ASTN2: variants seen among roughly 807,000 people sequenced by gnomAD.
ASTN2 encodes astrotactin-2.
In ASTN2, 54 loss-of-function variants were observed where a neutral mutation model predicts 139.8. That is an observed-to-expected ratio of 0.39 (90% CI 0.31 to 0.48). ASTN2 has a LOEUF of 0.48. ASTN2 is among the 20% of genes least tolerant of loss of function. The pLI is 0.95. For synonymous variants in ASTN2, 756 were observed against 719.5 expected (o/e 1.05, Z -0.81); for missense variants, 1,565 against 1,725.1 (o/e 0.91, Z 1.64).
intron 16 of ASTN2, among the ~76,000 whole-genome samples, chr9:116,656,753 C>T (rs966295334): frequency 8.7e-5 from 13 of 149,594 alleles, no homozygotes; most frequent in Non-Finnish European, 1.6e-4. Context: ...CAGGGCTTTT[C>T]GGCAGGAGAT....
At chr9:117,251,160 C>A (rs1351944680) in intron 2 of ASTN2, among the ~76,000 whole-genome samples, 1 of 152,142 alleles carries the variant, frequency 6.6e-6, no homozygotes, top group East Asian at 1.9e-4. Flanking sequence ...TGCTCAAGGT[C>A]ACAAATGGAA....
chr9:116,523,251 A>G (rs1260681590), intron 19 of ASTN2, among the ~76,000 whole-genome samples: 3 of 151,768 alleles, frequency 2.0e-5, no homozygotes, highest in Non-Finnish European at 2.9e-5. Flanking sequence ...GCAGTGTGGT[A>G]GCAAAGGAAG....
At chr9:117,378,885 T>C (rs1360215259) in intron 1 of ASTN2, among the ~76,000 whole-genome samples, 2 of 152,180 alleles carry the variant, frequency 1.3e-5, no homozygotes, top group Non-Finnish European at 2.9e-5. Context: ...GGATCCTTCA[T>C]GAATGGTTTA....
chr9:117,181,955 C>T (rs1044602258), intron 3 of ASTN2, among the ~76,000 whole-genome samples: 2 of 152,168 alleles, frequency 1.3e-5, no homozygotes, highest in Non-Finnish European at 2.9e-5. Context: ...GCCCACTGAG[C>T]CCAGTGCCCT....
At chr9:116,657,870 A>T (rs1260924110) in intron 16 of ASTN2, among the ~76,000 whole-genome samples, 1 of 150,666 alleles carries the variant, frequency 6.6e-6, no homozygotes, top group Non-Finnish European at 1.5e-5. Flanking sequence ...GAAAAAAGAG[A>T]GGTCAGAAAG....
chr9:116,826,359 C>A (rs2132277524), intron 11 of ASTN2, among the ~76,000 whole-genome samples: 1 of 152,304 alleles, frequency 6.6e-6, no homozygotes, highest in East Asian at 1.9e-4. Flanking sequence ...CAGCTGGCAC[C>A]ATGCTGAGCA....
rs1429271907 is a variant in ASTN2 at position 116,725,939 on chromosome 9, C to T, written c.2638G>A (p.Val880Ile). ...CTCTCCTTGGTCAGGATCTTGAGAA[C>T]ATTAGTGAAGCCTGGACAAGAGAGG... ...TITLAAGFTN[V>I]LKILTKESSR... The change falls in exon 16 of 23, where the codon GTT becomes ATT. Residue 880 changes from valine to isoleucine, a missense_variant. Around this residue, in one of 4 missense-constraint regions of ASTN2, gnomAD observed 503 missense variants for 591.7 expected, o/e 0.85. Transcript: ENST00000313400. 5 of 1,612,440 alleles carry T rather than the reference C, an allele frequency of 3.1e-6. No homozygotes were observed. Among genetic ancestry groups the T allele is most frequent in the Non-Finnish European group, 4.2e-6 (5 of 1,179,510 alleles).
chr9:117,382,579 CT>C (rs1830300007), intron 1 of ASTN2, among the ~76,000 whole-genome samples: 1 of 151,988 alleles, frequency 6.6e-6, no homozygotes, highest in African/African-American at 2.4e-5. Flanking sequence ...TGCATCTTTG[CT>C]CTACACTAGA....
intron 20 of ASTN2, among the ~76,000 whole-genome samples, chr9:116,461,453 CTTG>C (rs1041009576): frequency 1.3e-5 from 2 of 151,970 alleles, no homozygotes; most frequent in African/African-American, 4.8e-5. Context: ...TAGGTGTATA[CTTG>C]TTTATATGTA....
chr9:117,313,117 G>T (rs543671249), intron 1 of ASTN2, among the ~76,000 whole-genome samples: 2 of 152,192 alleles, frequency 1.3e-5, no homozygotes, highest in African/African-American at 4.8e-5. Context: ...GAGCACTTAA[G>T]GTGTTCACAC....
intron 10 of ASTN2, among the ~76,000 whole-genome samples, chr9:116,893,159 T>TCA (rs56263614): frequency 0.034 from 5,144 of 149,298 alleles, 108 homozygotes; most frequent in Middle Eastern, 0.049. Flanking sequence ...TAAAGGTGTA[T>TCA]CACACACACA....
At chr9:117,109,777 C>T (rs115226525) in intron 4 of ASTN2, among the ~76,000 whole-genome samples, 2,238 of 152,264 alleles carry the variant, frequency 0.015, 63 homozygotes, top group African/African-American at 0.051. Flanking sequence ...TGCTTATTTT[C>T]TTTCAAATTT....
chr9:117,178,966 CCTTT>C (rs1378688994), intron 3 of ASTN2, among the ~76,000 whole-genome samples: 4 of 152,338 alleles, frequency 2.6e-5, no homozygotes, highest in Non-Finnish European at 4.4e-5. Flanking sequence ...TTTTCCTTCT[CCTTT>C]CTTCCTTTAT....
intron 1 of ASTN2, among the ~76,000 whole-genome samples, chr9:117,342,194 T>C (rs1057270005): frequency 2.6e-5 from 4 of 152,148 alleles, no homozygotes; most frequent in African/African-American, 9.7e-5. Flanking sequence ...GGTCTGTGAA[T>C]AGGACAATCA....
At chr9:116,706,967 G>T (rs568543593) in intron 16 of ASTN2, among the ~76,000 whole-genome samples, 1 of 151,952 alleles carries the variant, frequency 6.6e-6, no homozygotes, top group South Asian at 2.1e-4. Context: ...ATGTGTCTTG[G>T]TCGAGACTTA....
intron 19 of ASTN2, among the ~76,000 whole-genome samples, chr9:116,591,282 T>G (rs1854368679): frequency 6.6e-6 from 1 of 152,172 alleles, no homozygotes; most frequent in Non-Finnish European, 1.5e-5. Flanking sequence ...TTGTGGTACA[T>G]CTGGTCCAGC....
At chr9:116,717,676 G>T (rs558094320) in intron 16 of ASTN2, among the ~76,000 whole-genome samples, 2 of 152,266 alleles carry the variant, frequency 1.3e-5, no homozygotes, top group South Asian at 4.1e-4. Context: ...AGAGGTGACT[G>T]CCCTGGGGTC....
intron 10 of ASTN2, among the ~76,000 whole-genome samples, chr9:116,937,192 G>A (rs1007068557): frequency 3.3e-5 from 5 of 152,056 alleles, no homozygotes; most frequent in African/African-American, 4.8e-5. Context: ...TGCTTTCATG[G>A]TTTCAGATTG....
chr9:117,094,830 A>G (rs1184312308), intron 5 of ASTN2, among the ~76,000 whole-genome samples: 1 of 152,216 alleles, frequency 6.6e-6, no homozygotes, highest in Admixed American at 6.5e-5. Flanking sequence ...TACATAGCTT[A>G]ACCAAAATTC....
Sources: gnomAD v4.1 joint callset for allele counts (sites outside exome capture counted in the v4.1 genomes callset) on GRCh38, gnomAD v4.1.1 for gene constraint, gnomAD v4.1.1 regional missense constraint, MANE v1.5 for transcripts, NCBI Gene and HGNC (gene_info 2026-07-23, HGNC 2026-07-21) for gene names.